The following CSMD2 variants were observed in gnomAD, a reference collection of about 807,000 sequenced individuals.
CSMD2 encodes CUB and Sushi multiple domains 2, also known as CUB and sushi domain-containing protein 2.
CSMD2 carries 130 observed loss-of-function variants against 398.5 expected under a neutral mutation model. That is an observed-to-expected ratio of 0.33 (90% CI 0.28 to 0.38). The LOEUF is 0.38. CSMD2 is among the 10% of genes least tolerant of loss of function. The pLI is 1.00. For synonymous variants in CSMD2, 1,828 were observed against 1,908.5 expected, an observed-to-expected ratio of 0.96 and a Z score of 1.10; for missense variants, 3,829 against 4,764.9, an observed-to-expected ratio of 0.80 and a Z score of 5.78.
chr1:33,934,076 CAA>C (rs1029308831), intron 4 of CSMD2, among the ~76,000 whole-genome samples: 11 of 152,126 alleles, frequency 7.2e-5, no homozygotes, highest in Admixed American at 1.3e-4. Flanking sequence ...GTGTCAATAA[CAA>C]AAAGTGTGTG....
chr1:34,084,942 G>GTTTATTA (rs1218409899), intron 2 of CSMD2, among the ~76,000 whole-genome samples: 19 of 152,160 alleles, frequency 1.2e-4, no homozygotes, highest in Non-Finnish European at 2.1e-4. Flanking sequence ...TATGTTTATT[G>GTTTATTA]CAGCACTATT....
chr1:33,731,943 T>C (rs1036484298), intron 15 of CSMD2, among the ~76,000 whole-genome samples: 7 of 152,122 alleles, frequency 4.6e-5, no homozygotes, highest in Admixed American at 6.6e-5. Context: ...TGTGGGGGAA[T>C]GGGTGGGGAT....
At chr1:34,141,276 G>A (rs1639267848) in intron 1 of CSMD2, among the ~76,000 whole-genome samples, 2 of 151,986 alleles carry the variant, frequency 1.3e-5, no homozygotes, top group African/African-American at 4.8e-5. Flanking sequence ...CCTACTATGT[G>A]GAAGACACTG....
intron 5 of CSMD2, among the ~76,000 whole-genome samples, chr1:33,866,735 A>T (rs540570575): frequency 4.6e-5 from 7 of 152,164 alleles, no homozygotes; most frequent in South Asian, 2.1e-4. Context: ...CCTTACTATA[A>T]GGGTGCTGGC....
chr1:33,878,940 C>T (rs184893634), intron 5 of CSMD2, among the ~76,000 whole-genome samples: 2 of 152,280 alleles, frequency 1.3e-5, no homozygotes, highest in Admixed American at 6.5e-5. Flanking sequence ...GAATCATAAG[C>T]TCTTGAACGA....
At chr1:33,566,310 A>T (rs1253472734) in intron 53 of CSMD2, among the ~76,000 whole-genome samples, 1 of 151,468 alleles carries the variant, frequency 6.6e-6, no homozygotes, top group Non-Finnish European at 1.5e-5. Context: ...GAACCTCAAA[A>T]AAAAAAAACA....
chr1:33,714,647 G>C lies in CSMD2; in HGVS notation c.3346C>G (p.Arg1116Gly), dbSNP rs771872339. ...FPGYRLEGTA[R>G]ITCLGGRRRL... Reference sequence around the variant, plus strand: ...CGTCTGCCCCCCAGGCACGTGATGCGGGCGGTGCCCTCCAGACGGTACCCG... The same window carrying C: ...CGTCTGCCCCCCAGGCACGTGATGCCGGCGGTGCCCTCCAGACGGTACCCG... The change falls in exon 21 of 71, where the codon CGC becomes GGC. Residue 1116 changes from arginine to glycine, a missense_variant. Around this residue, in one of 5 missense-constraint regions of CSMD2, gnomAD observed 2,001 missense variants for 2,567.1 expected, o/e 0.78. Transcript: ENST00000373381. The C allele has an allele frequency of 6.2e-7, 1 of 1,613,850 alleles. No individual in the cohort carries two copies. Among genetic ancestry groups the C allele is most frequent in the Non-Finnish European group, 8.5e-7 (1 of 1,180,054 alleles).
intron 2 of CSMD2, among the ~76,000 whole-genome samples, chr1:34,036,938 C>T (rs1354449585): frequency 2.0e-5 from 3 of 152,126 alleles, no homozygotes; most frequent in African/African-American, 4.8e-5. Context: ...ATACAGTACC[C>T]TTGCCTGTTC....
intron 5 of CSMD2, among the ~76,000 whole-genome samples, chr1:33,910,042 A>G (rs1570473496): frequency 6.6e-6 from 1 of 151,432 alleles, no homozygotes; most frequent in Admixed American, 6.6e-5. Context: ...CCTCCTCTCT[A>G]CCCCTTCATA....
intron 7 of CSMD2, among the ~76,000 whole-genome samples, chr1:33,822,997 G>A (rs1457988886): frequency 2.6e-5 from 4 of 152,186 alleles, no homozygotes; most frequent in African/African-American, 7.2e-5. Flanking sequence ...ACATATGGCG[G>A]TTCCCTTTCC....
At chr1:34,125,662 T>C (rs1033143226) in intron 1 of CSMD2, among the ~76,000 whole-genome samples, 8 of 152,152 alleles carry the variant, frequency 5.3e-5, no homozygotes, top group Admixed American at 3.3e-4. Context: ...TTATTATTAC[T>C]AGTTACTGAA....
chr1:34,025,562 G>C (rs2164580), intron 3 of CSMD2, among the ~76,000 whole-genome samples: 17,459 of 152,130 alleles, frequency 0.11, 1,088 homozygotes, highest in East Asian at 0.19. Context: ...TGGAAGAGTT[G>C]TATTTGTGTG....
intron 5 of CSMD2, among the ~76,000 whole-genome samples, chr1:33,917,033 T>C (rs1224035727): frequency 2.0e-5 from 3 of 152,010 alleles, no homozygotes; most frequent in African/African-American, 4.8e-5. Context: ...TCTGCTCCGC[T>C]CAGAATCCTC....
intron 1 of CSMD2, among the ~76,000 whole-genome samples, chr1:34,129,576 C>T (rs995482088): frequency 2.6e-5 from 4 of 152,072 alleles, no homozygotes; most frequent in South Asian, 4.1e-4. Flanking sequence ...GGCATGAACC[C>T]GGGAGGCGGA....
chr1:33,736,332 T>A (rs757617144), intron 15 of CSMD2, among the ~76,000 whole-genome samples: 1 of 151,946 alleles, frequency 6.6e-6, no homozygotes, highest in Admixed American at 6.6e-5. Context: ...ATACAAAAAA[T>A]TAGCTGGGTG....
chr1:34,060,885 T>C (rs1449898971), intron 2 of CSMD2, among the ~76,000 whole-genome samples: 1 of 152,040 alleles, frequency 6.6e-6, no homozygotes, highest in Non-Finnish European at 1.5e-5. Flanking sequence ...GTTCCTCCCC[T>C]AGCCATGCTT....
At chr1:34,058,565 T>A (rs1329064615) in intron 2 of CSMD2, among the ~76,000 whole-genome samples, 1 of 152,074 alleles carries the variant, frequency 6.6e-6, no homozygotes, top group Non-Finnish European at 1.5e-5. Flanking sequence ...GCAGAGGAAG[T>A]CTATATCTAC....
intron 42 of CSMD2, among the ~76,000 whole-genome samples, chr1:33,603,314 A>G (rs1247810312): frequency 6.6e-6 from 1 of 152,216 alleles, no homozygotes; most frequent in Non-Finnish European, 1.5e-5. Context: ...GGAGGATGAA[A>G]AGACTTTGAC....
At chr1:33,907,763 T>G in intron 5 of CSMD2, among the ~76,000 whole-genome samples, 1 of 152,150 alleles carries the variant, frequency 6.6e-6, no homozygotes, top group Non-Finnish European at 1.5e-5. Flanking sequence ...GTTTTTTGTG[T>G]GAATCCTGCC....
Sources: allele counts gnomAD v4.1 joint callset (sites outside exome capture counted in the v4.1 genomes callset), GRCh38; gene constraint gnomAD v4.1.1; regional missense constraint gnomAD v4.1.1; transcripts MANE v1.5; gene names NCBI Gene and HGNC (gene_info 2026-07-23, HGNC 2026-07-21).